Variants in WDR35 observed in about 807,000 individuals in gnomAD.
WDR35 encodes WD repeat-containing protein 35.
WDR35 carries 118 observed loss-of-function variants against 158.3 expected under a neutral mutation model. The ratio of observed to expected loss-of-function variants is 0.75; its 90% CI spans 0.64 to 0.87. WDR35 has a LOEUF of 0.87. Among genes scored for constraint, WDR35 ranks in the 40% least tolerant of loss-of-function variants. The pLI is 0.00. For synonymous variants in WDR35, 448 were observed against 476.1 expected, an observed-to-expected ratio of 0.94 and a Z score of 0.77; for missense variants, 1,263 against 1,405.8, an observed-to-expected ratio of 0.90 and a Z score of 1.62.
intron 10 of WDR35, among the ~76,000 whole-genome samples, chr2:19,965,165 C>G (rs185263708): frequency 3.3e-5 from 5 of 152,136 alleles, no homozygotes; most frequent in Admixed American, 2.0e-4. Flanking sequence ...TCAGGTAATC[C>G]GCCCGCCTTG....
At chr2:19,978,726 G>C in intron 5 of WDR35, 25 bp downstream of exon 5, 1 of 1,613,276 alleles carries the variant, frequency 6.2e-7, no homozygotes. Flanking sequence ...ATTGATCTTA[G>C]TTCTATGTCC....
At chr2:19,970,131 T>C (rs181193303) in intron 8 of WDR35, among the ~76,000 whole-genome samples, 98 of 152,222 alleles carry the variant, frequency 6.4e-4, no homozygotes, top group African/African-American at 2.1e-3. Flanking sequence ...GCAAATTTCA[T>C]CAAATCTAAA....
intron 18 of WDR35, 106 bp from the exon 19 acceptor site, chr2:19,938,052 A>G: frequency 6.9e-7 from 1 of 1,456,398 alleles, no homozygotes; most frequent in East Asian, 2.3e-5. Context: ...TTCTAGAGAA[A>G]CATGGTGGAA....
At chr2:19,949,143 C>T (rs1418337613) in intron 13 of WDR35, among the ~76,000 whole-genome samples, 4 of 152,016 alleles carry the variant, frequency 2.6e-5, no homozygotes, top group Admixed American at 6.6e-5. Flanking sequence ...ACTCTTTTTG[C>T]AATTTTCTAT....
intron 13 of WDR35, 39 bp downstream of exon 13, chr2:19,951,376 C>A (rs1237420598): frequency 2.0e-5 from 29 of 1,466,440 alleles, no homozygotes; most frequent in Non-Finnish European, 2.7e-5. Context: ...TTCAAATCTA[C>A]AGATATTAAC....
At position 19,962,159 on chromosome 2, in the gene WDR35, A is replaced by G. The variant is rs1671685011; in HGVS notation, c.1195-1545T>C. 4.6e-6 allele frequency: 4 copies of G among 877,130 alleles called. No individual in the cohort carries two copies. The East Asian group carries it at 7.9e-5, about 17-fold the overall frequency. The allele number at this position is 877,130 out of a possible 1,614,324, so 54.3% of individuals were successfully genotyped here. On this transcript the variant is annotated intron_variant, in intron 10 of 26. Coordinates refer to ENST00000281405, the MANE Select transcript of WDR35 (RefSeq NM_020779.4). ...GTTGAAAAATAAAGTTTCTATTTTT[A>G]TTTTTATCTGTTAATTCCATTTTTC...
Position 19,945,965 on chromosome 2 carries a change from G to A in WDR35, c.1666C>T (p.Leu556=). ...CGAGCATCCAAGTCAAAGAAAGTCA[G>A]AACTCCTGAGATGTCTATGATAGCA... The part of the protein sequence containing the change: ...RLAIIDISGV[L]TFFDLDARVT... Residue 556 remains leucine, a synonymous_variant, in exon 16 of 27, where the codon CTG becomes TTG. Coordinates refer to ENST00000281405, the MANE Select transcript of WDR35 (RefSeq NM_020779.4). The A allele has an allele frequency of 1.9e-6, 3 of 1,613,822 alleles. No homozygotes were observed. The highest frequency in any genetic ancestry group is 2.2e-5 in the South Asian group (2 of 91,060).
intron 17 of WDR35, 40 bp downstream of exon 17, chr2:19,941,719 T>C (rs900481180): frequency 1.3e-5 from 18 of 1,417,200 alleles, no homozygotes; most frequent in Non-Finnish European, 1.2e-5. Context: ...AATAATCCCC[T>C]GTCAAGCTAG....
At chr2:19,962,288 T>C in intron 10 of WDR35, 3 of 1,613,218 alleles carry the variant, frequency 1.9e-6, no homozygotes, top group East Asian at 2.2e-5. Context: ...CTAATTTCAT[T>C]TGTTACCGTT....
Position 19,946,567 on chromosome 2 carries a change from G to C in WDR35, c.1528C>G (p.Arg510Gly), listed in dbSNP as rs1462353387. The C allele has an allele frequency of 1.2e-6, 2 of 1,612,928 alleles. No homozygotes were observed. The highest frequency in any genetic ancestry group is 1.7e-6 in the Non-Finnish European group (2 of 1,179,324). The part of the protein sequence containing the change: ...TASDKILIVG[R>G]ESGTIQRYSL... ...TATCTCTGAATGGTGCCAGATTCACGACCCTATGGAAATTACTTTTGATTA... is the reference window on the plus strand; with the variant it reads ...TATCTCTGAATGGTGCCAGATTCACCACCCTATGGAAATTACTTTTGATTA... Residue 510 changes from arginine to glycine, a missense_variant, in exon 15 of 27, where the codon CGT becomes GGT. Arg to Gly is a moderately radical substitution (Grantham distance 125). Coordinates refer to ENST00000281405, the MANE Select transcript of WDR35 (RefSeq NM_020779.4).
At chr2:19,924,400 T>C (rs1358929085) in intron 25 of WDR35, among the ~76,000 whole-genome samples, 1 of 152,008 alleles carries the variant, frequency 6.6e-6, no homozygotes, top group Admixed American at 6.6e-5. Flanking sequence ...CCGTCTCTAC[T>C]AAAAATACAA....
intron 19 of WDR35, 81 bp from the exon 20 acceptor site, chr2:19,936,446 C>T (rs1372729848): frequency 8.1e-6 from 13 of 1,597,572 alleles, no homozygotes; most frequent in Admixed American, 5.1e-5. Context: ...AGGTACAGTT[C>T]TAGGTGCTGA....
At chr2:19,978,667 C>G in intron 5 of WDR35, 84 bp downstream of exon 5, 2 of 1,587,848 alleles carry the variant, frequency 1.3e-6, no homozygotes, top group Non-Finnish European at 1.7e-6. Context: ...AGAATGCTAA[C>G]ATATGGTAAC....
intron 16 of WDR35, among the ~76,000 whole-genome samples, chr2:19,945,175 G>T (rs1167687750): frequency 1.3e-5 from 2 of 152,046 alleles, no homozygotes; most frequent in Admixed American, 1.3e-4. Context: ...GAAATTAGCT[G>T]ATGTGAGCCA....
intron 25 of WDR35, 130 bp from the exon 26 acceptor site, chr2:19,914,407 G>C: frequency 8.5e-7 from 1 of 1,183,360 alleles, no homozygotes; most frequent in African/African-American, 1.5e-5. Context: ...ACAGTGTTGA[G>C]AGATGGGAGC....
chr2:19,923,255 C>T (rs116474934), intron 25 of WDR35, among the ~76,000 whole-genome samples: 2,189 of 152,210 alleles, frequency 0.014, 19 homozygotes, highest in Middle Eastern at 0.048. Flanking sequence ...GAGCTGGTCT[C>T]GGCAAGTGGC....
rs149236275 is a variant in WDR35 at position 19,914,077 on chromosome 2, T to C, written c.3322A>G (p.Lys1108Glu). ...ALEIFTKHTS[K>E]DNRKPELDSL... is the part of the protein sequence containing the mutation. ...TCCAATTCAGGTTTTCTGTTATCTT[T>C]TGAAGTATGTTTGGTGAAGATTTCT... The change falls in exon 26 of 27, where the codon AAA (lysine) becomes GAA (glutamate). Residue 1108 changes from lysine to glutamate, a missense_variant. Transcript: ENST00000281405. 91 of 1,614,064 alleles carry C rather than the reference T, an allele frequency of 5.6e-5. No homozygotes were observed. The highest frequency in any genetic ancestry group is 7.0e-5 in the Non-Finnish European group (83 of 1,180,016).
rs769147513 is a variant in WDR35 at position 19,914,072 on chromosome 2, A to G, written c.3327T>C (p.Asp1109=). 6.2e-7 allele frequency: 1 copy of G among 1,614,136 alleles called. No homozygotes were observed. The highest frequency in any genetic ancestry group is 8.5e-7 in the Non-Finnish European group (1 of 1,179,986). ...GGCTGTCCAATTCAGGTTTTCTGTT[A>G]TCTTTTGAAGTATGTTTGGTGAAGA... The part of the protein sequence containing the change: ...LEIFTKHTSK[D]NRKPELDSLM... The change falls in exon 26 of 27, where the codon GAT becomes GAC. Residue 1109 remains aspartate (D), a synonymous_variant. Transcript: ENST00000281405.
chr2:19,913,529 T>C lies in WDR35; in HGVS notation c.*29A>G. The C allele has an allele frequency of 1.2e-6, 2 of 1,613,468 alleles. No homozygotes were observed. Among genetic ancestry groups the C allele is most frequent in the Non-Finnish European group, 1.7e-6 (2 of 1,179,422 alleles). Reference sequence around the variant, plus strand: ...AGCCATGTATATATGCTACATATATTTTACAGTTATATACAGTTTATCATT... The same window carrying C: ...AGCCATGTATATATGCTACATATATCTTACAGTTATATACAGTTTATCATT... On this transcript the variant is annotated 3_prime_UTR_variant, in exon 27 of 27. Coordinates refer to ENST00000281405, the MANE Select transcript of WDR35 (RefSeq NM_020779.4).
Sources: allele counts gnomAD v4.1 joint callset (sites outside exome capture counted in the v4.1 genomes callset), GRCh38; gene constraint gnomAD v4.1.1; transcripts MANE v1.5; gene names NCBI Gene and HGNC (gene_info 2026-07-23, HGNC 2026-07-21).